The following PCSK2 variants were observed in gnomAD, a reference collection of about 807,000 sequenced individuals.
The protein encoded by PCSK2 is neuroendocrine convertase 2.
A neutral mutation model predicts 69.7 loss-of-function variants in PCSK2; 14 were observed. That is an observed-to-expected ratio of 0.20 (90% CI 0.13 to 0.31). The LOEUF (loss-of-function observed/expected upper bound fraction) is 0.31, where lower values mean the gene tolerates loss of function less well. PCSK2 is among the 10% of genes least tolerant of loss of function. The pLI is 1.00. For synonymous variants in PCSK2, 307 were observed against 320.7 expected (o/e 0.96, Z 0.46); for missense variants, 544 against 842.5 (o/e 0.65, Z 4.39).
rs1459417540 is a variant in PCSK2, at chr20:17,347,946, AAGAAAGAAAGAAAG to A, written c.283-10365_283-10352del. Among the ~76,000 whole-genome samples the A allele has an allele frequency of 1.4e-4, 10 of 72,902 alleles. 1 individual carries two copies. The highest frequency in any genetic ancestry group is 3.1e-4 in the African/African-American group (8 of 25,582). The allele number at this position is 72,902 out of a possible 152,430, so 47.8% of individuals were successfully genotyped here. On this transcript the variant is annotated intron_variant, in intron 2 of 11. Transcript: ENST00000262545. ...GAGAGAGAAAAAAGAGAAAGAAAGA[AAGAAAGAAAGAAAG>A]AGAAAGAAAGAAAGAAAGAAAGAGG...
At chr20:17,452,948 G>A (rs761231218) in intron 8 of PCSK2, among the ~76,000 whole-genome samples, 3 of 152,190 alleles carry the variant, frequency 2.0e-5, no homozygotes, top group Non-Finnish European at 4.4e-5. Flanking sequence ...AAACTAATTA[G>A]CATGTGGCAA....
chr20:17,291,374 TTG>T (rs1036296304), intron 2 of PCSK2, among the ~76,000 whole-genome samples: 25 of 152,266 alleles, frequency 1.6e-4, no homozygotes, highest in African/African-American at 5.5e-4. Flanking sequence ...CTTGTTTTTG[TTG>T]TGTTTTGTTT....
intron 5 of PCSK2, among the ~76,000 whole-genome samples, chr20:17,377,321 C>T (rs2030956006): frequency 6.6e-6 from 1 of 152,238 alleles, no homozygotes; most frequent in Non-Finnish European, 1.5e-5. Flanking sequence ...CATTCCTGCA[C>T]TTTTCCATTC....
intron 2 of PCSK2, among the ~76,000 whole-genome samples, chr20:17,307,534 C>A (rs1258886669): frequency 6.6e-6 from 1 of 152,202 alleles, no homozygotes; most frequent in African/African-American, 2.4e-5. Context: ...TAGGATCTCT[C>A]CTAGTACAGG....
In PCSK2 at chr20:17,453,546, G is replaced by A. The variant is rs1386140727; in HGVS notation, c.886-196G>A. ...ATTGTAAATTCAGTTGACTTTTTTA[G>A]ATTGAATTCTTCCTGGAAAAAAAAA... On this transcript the variant is annotated intron_variant, in intron 8 of 11. Coordinates refer to ENST00000262545, the MANE Select transcript of PCSK2 (RefSeq NM_002594.5). The surrounding 1 kb of genome is among the most constrained non-coding windows in gnomAD (Gnocchi z 4.0). 6.6e-6 allele frequency among the ~76,000 whole-genome samples: 1 copy of A among 152,100 alleles called. No individual in the cohort carries two copies. Among genetic ancestry groups the A allele is most frequent in the Non-Finnish European group, 1.5e-5 (1 of 68,014 alleles).
At chr20:17,353,647 T>C (rs1208260629) in intron 2 of PCSK2, among the ~76,000 whole-genome samples, 3 of 152,138 alleles carry the variant, frequency 2.0e-5, no homozygotes, top group African/African-American at 7.2e-5. Flanking sequence ...ACTAGCTATA[T>C]ACTCAAAGAA....
intron 6 of PCSK2, among the ~76,000 whole-genome samples, chr20:17,422,115 G>GA: frequency 6.6e-6 from 1 of 152,130 alleles, no homozygotes; most frequent in East Asian, 1.9e-4. Context: ...AATTGCAGCT[G>GA]AAAAATACAG....
intron 2 of PCSK2, among the ~76,000 whole-genome samples, chr20:17,322,724 C>T (rs1005605137): frequency 6.6e-6 from 1 of 152,178 alleles, no homozygotes; most frequent in Non-Finnish European, 1.5e-5. Context: ...ACACTGTGTC[C>T]TCACATGGTA....
chr20:17,466,383 A>C (rs1377800746), intron 11 of PCSK2, among the ~76,000 whole-genome samples: 1 of 152,204 alleles, frequency 6.6e-6, no homozygotes, highest in Admixed American at 6.5e-5. Flanking sequence ...CTCATTGCTG[A>C]AGAGTGTTCC....
rs2123428838 is a variant in PCSK2, at chr20:17,481,865, A to C, written c.1712A>C (p.Glu571Ala). Residue 571 changes from glutamate to alanine, a missense_variant, in exon 12 of 12, where the codon GAG becomes GCG. Physicochemically the swap from Glu to Ala is moderately radical, Grantham distance 107. Coordinates refer to ENST00000262545, the MANE Select transcript of PCSK2 (RefSeq NM_002594.5). ...GACGCCCGAGGCACCTGGACCCTGG[A>C]GCTGGGATTTGTCGGCAGCGCCCCG... ...GEDARGTWTL[E>A]LGFVGSAPQK... 6.2e-7 allele frequency: 1 copy of C among 1,613,966 alleles called. No homozygotes were observed. The highest frequency in any genetic ancestry group is 2.2e-5 in the East Asian group (1 of 44,868).
chr20:17,292,454 T>G (rs1914326656), intron 2 of PCSK2, among the ~76,000 whole-genome samples: 1 of 152,240 alleles, frequency 6.6e-6, no homozygotes, highest in South Asian at 2.1e-4. Context: ...GGAATTTATT[T>G]TTGTGTATGG....
At chr20:17,447,994 T>C (rs1758372549) in intron 8 of PCSK2, among the ~76,000 whole-genome samples, 1 of 152,228 alleles carries the variant, frequency 6.6e-6, no homozygotes, top group South Asian at 2.1e-4. Flanking sequence ...TCTATTCATG[T>C]AAGATTATAA....
chr20:17,421,110 ACT>A (rs1265269298), intron 6 of PCSK2, among the ~76,000 whole-genome samples: 1 of 152,160 alleles, frequency 6.6e-6, no homozygotes, highest in African/African-American at 2.4e-5. Flanking sequence ...TCAAGGTTAA[ACT>A]CTCTGTCAAG....
At position 17,409,351 on chromosome 20, in the gene PCSK2, C is replaced by G; in HGVS notation, c.620+12C>G. ...GACTGGTTTAACAGGTAAACTGGGC[C>G]TTGGGAGGTCTCTTTGACTTTAGGC... On this transcript the variant is annotated intron_variant, in intron 6 of 11. Coordinates refer to ENST00000262545, the MANE Select transcript of PCSK2 (RefSeq NM_002594.5). 2 of 1,585,126 alleles carry G rather than the reference C, an allele frequency of 1.3e-6. No individual in the cohort carries two copies. Among genetic ancestry groups the G allele is most frequent in the Non-Finnish European group, 1.7e-6 (2 of 1,153,652 alleles).
chr20:17,403,532 G>A (rs1600552010), intron 5 of PCSK2, among the ~76,000 whole-genome samples: 2 of 152,294 alleles, frequency 1.3e-5, no homozygotes, highest in Non-Finnish European at 1.5e-5. Flanking sequence ...TTGTTCTGGG[G>A]CAATATGGTT....
At chr20:17,426,795 GA>G (rs1568644595) in intron 6 of PCSK2, among the ~76,000 whole-genome samples, 1 of 152,196 alleles carries the variant, frequency 6.6e-6, no homozygotes, top group African/African-American at 2.4e-5. Context: ...CAAGTGATTG[GA>G]TGAGGCCCAC....
In PCSK2 at chr20:17,339,852, T is replaced by G. The variant is rs141361357; in HGVS notation, c.283-18475T>G. 7.1e-3 allele frequency among the ~76,000 whole-genome samples: 1,089 copies of G among 152,310 alleles called. 7 individuals are homozygous for G. The highest frequency in any genetic ancestry group is 0.012 in the Non-Finnish European group (841 of 68,028). On this transcript the variant is annotated intron_variant, in intron 2 of 11. Transcript: ENST00000262545. ...AGTGGCCTCCTAACTATGCATAGACTATGGGCTCAGTTTACTGTAGATTAC... is the reference window on the plus strand; with the variant it reads ...AGTGGCCTCCTAACTATGCATAGACGATGGGCTCAGTTTACTGTAGATTAC...
intron 2 of PCSK2, among the ~76,000 whole-genome samples, chr20:17,346,815 G>A (rs769924960): frequency 6.6e-6 from 1 of 151,656 alleles, no homozygotes; most frequent in Non-Finnish European, 1.5e-5. Flanking sequence ...CACCACCCTG[G>A]AAACAAGCAT....
chr20:17,355,492 A>G (rs1159264333), intron 2 of PCSK2, among the ~76,000 whole-genome samples: 1 of 152,172 alleles, frequency 6.6e-6, no homozygotes, highest in South Asian at 2.1e-4. Context: ...CCAAAGTGAG[A>G]CACCTTCTTT....
Sources: gnomAD v4.1 joint callset for allele counts (sites outside exome capture counted in the v4.1 genomes callset) on GRCh38, gnomAD v4.1.1 for gene constraint, Gnocchi (gnomAD v3.1) non-coding constraint, MANE v1.5 for transcripts, NCBI Gene and HGNC (gene_info 2026-07-23, HGNC 2026-07-21) for gene names.